Variants in CHLSN observed in about 807,000 individuals in gnomAD.
The protein encoded by CHLSN is protein cholesin.
At chr7:1,093,218 G>A in the CHLSN span, 14 of 499,010 alleles carry the variant, frequency 2.8e-5, no homozygotes, top group South Asian at 4.6e-5. Flanking sequence ...AAAGCCACAC[G>A]GAGAGGCCAC....
At chr7:993,599 G>GC in the CHLSN span, among the ~76,000 whole-genome samples, 1 of 152,044 alleles carries the variant, frequency 6.6e-6, no homozygotes, top group Non-Finnish European at 1.5e-5. Context: ...ACACAGTGAG[G>GC]CCCCCCGCTT....
At chr7:985,808 C>T in the CHLSN span, among the ~76,000 whole-genome samples, 32 of 152,300 alleles carry the variant, frequency 2.1e-4, no homozygotes, top group Admixed American at 1.3e-4. Context: ...GTGCGTTTAC[C>T]GAAGCCTGCA....
At chr7:1,067,079 T>G in the CHLSN span, among the ~76,000 whole-genome samples, 2 of 129,288 alleles carry the variant, frequency 1.5e-5, no homozygotes, top group African/African-American at 3.0e-5. Context: ...ATCCCAGAGG[T>G]GAGGGTTTGG....
the CHLSN span, chr7:983,309 C>CG: frequency 6.5e-7 from 1 of 1,541,264 alleles, no homozygotes; most frequent in South Asian, 1.2e-5. Context: ...CGGTGGCCCC[C>CG]GGGGCCTCGC....
At chr7:998,457 CTTTTTTT>C in the CHLSN span, among the ~76,000 whole-genome samples, 84 of 95,032 alleles carry the variant, frequency 8.8e-4, no homozygotes, top group African/African-American at 2.8e-3. Context: ...GTCTTAGATT[CTTTTTTT>C]TTTTTTTTTT....
the CHLSN span, among the ~76,000 whole-genome samples, chr7:1,119,824 C>T: frequency 6.6e-6 from 1 of 150,906 alleles, no homozygotes; most frequent in African/African-American, 2.4e-5. Flanking sequence ...TTGCGGTGAG[C>T]CGAGATTGTG....
the CHLSN span, among the ~76,000 whole-genome samples, chr7:1,059,718 C>G: frequency 1.0e-3 from 2 of 1,966 alleles, no homozygotes; most frequent in Non-Finnish European, 1.9e-3. Flanking sequence ...TGGGTCTTAG[C>G]GGGGCGGGTC....
chr7:1,021,271 C>A, the CHLSN span: 3 of 575,938 alleles, frequency 5.2e-6, no homozygotes, highest in East Asian at 2.8e-4. Context: ...CCAGCAGGGA[C>A]CTCTAGTGTG....
chr7:1,076,535 C>T, the CHLSN span, among the ~76,000 whole-genome samples: 1 of 152,246 alleles, frequency 6.6e-6, no homozygotes, highest in Admixed American at 6.5e-5. Context: ...GTAAAGAGGC[C>T]CGAGAGGGTT....
At chr7:1,110,843 C>A in the CHLSN span, among the ~76,000 whole-genome samples, 10 of 150,452 alleles carry the variant, frequency 6.6e-5, no homozygotes, top group African/African-American at 9.8e-5. Flanking sequence ...CACACACAGG[C>A]AATTCACAAA....
At chr7:1,105,032 C>T in the CHLSN span, among the ~76,000 whole-genome samples, 1 of 152,184 alleles carries the variant, frequency 6.6e-6, no homozygotes, top group Non-Finnish European at 1.5e-5. Flanking sequence ...GAGGGACAGA[C>T]AGGAAGACTA....
chr7:1,026,603 C>G, the CHLSN span: 1 of 152,230 alleles, frequency 6.6e-6, no homozygotes, highest in Non-Finnish European at 1.5e-5. Flanking sequence ...CGCAGGAAAT[C>G]GGCTCACAGT....
At chr7:1,082,102 C>G in the CHLSN span, 3 of 152,272 alleles carry the variant, frequency 2.0e-5, no homozygotes, top group African/African-American at 7.2e-5. Flanking sequence ...GACAGCCTCA[C>G]GCAGCTTTCA....
the CHLSN span, among the ~76,000 whole-genome samples, chr7:1,064,002 C>G: frequency 2.0e-5 from 3 of 152,158 alleles, no homozygotes; most frequent in Admixed American, 6.5e-5. Flanking sequence ...GGCAGGGGGA[C>G]TAGCCACACT....
chr7:1,136,299 CAT>C, the CHLSN span, among the ~76,000 whole-genome samples: 18 of 96,040 alleles, frequency 1.9e-4, no homozygotes, highest in South Asian at 9.5e-4. Context: ...TATATATAAA[CAT>C]ATATAAATAT....
At chr7:1,028,314 C>T in the CHLSN span, 1 of 1,040,006 alleles carries the variant, frequency 9.6e-7, no homozygotes, top group Non-Finnish European at 1.2e-6. Flanking sequence ...AGGGATGCGC[C>T]CGCAGTGCGC....
chr7:1,102,209 C>A, the CHLSN span, among the ~76,000 whole-genome samples: 1 of 152,242 alleles, frequency 6.6e-6, no homozygotes, highest in African/African-American at 2.4e-5. Flanking sequence ...CAAAGTCCAC[C>A]CACGAGCAAA....
the CHLSN span, among the ~76,000 whole-genome samples, chr7:1,017,152 T>C: frequency 3.9e-5 from 6 of 152,332 alleles, no homozygotes; most frequent in Admixed American, 2.0e-4. Context: ...GCTGTGGGCA[T>C]TGGGCCTCTG....
the CHLSN span, among the ~76,000 whole-genome samples, chr7:1,088,522 G>A: frequency 6.2e-3 from 940 of 152,246 alleles, 4 homozygotes; most frequent in Middle Eastern, 0.024. The surrounding 1 kb of genome is among the most constrained non-coding windows in gnomAD (Gnocchi z 4.5). Context: ...CAGCGTGACC[G>A]CAGCAGGGGC....
Sources: allele counts gnomAD v4.1 joint callset (sites outside exome capture counted in the v4.1 genomes callset), GRCh38; gene constraint gnomAD v4.1.1; non-coding constraint Gnocchi (gnomAD v3.1); transcripts MANE v1.5; gene names NCBI Gene and HGNC (gene_info 2026-07-23, HGNC 2026-07-21).